The following IFT74 variants were observed in gnomAD, a reference collection of about 807,000 sequenced individuals.
The protein encoded by IFT74 is intraflagellar transport protein 74 homolog.
Under a neutral mutation model 96.7 loss-of-function variants are expected in IFT74, and 92 were observed. That is an observed-to-expected ratio of 0.95 (90% CI 0.80 to 1.13). The LOEUF (loss-of-function observed/expected upper bound fraction) is 1.13. Among genes scored for constraint, IFT74 ranks in the 50% most tolerant of loss-of-function variants. The pLI, the probability that IFT74 is intolerant of heterozygous loss-of-function variation, is 0.00. For missense variants in IFT74, 811 were observed against 698.2 expected, an observed-to-expected ratio of 1.16 and a Z score of -1.82; for synonymous variants, 223 against 213.2, an observed-to-expected ratio of 1.05 and a Z score of -0.40.
chr9:27,036,916 G>A lies in IFT74; in HGVS notation c.1054+7812G>A. On this transcript the variant is annotated intron_variant, in intron 13 of 19. Transcript: ENST00000380062. Reference sequence around the variant, plus strand: ...AAAAAAAATTATTGCTGTGATTCATGATAAAATGCTTGCAGAGACTGGTCG... The same window carrying A: ...AAAAAAAATTATTGCTGTGATTCATAATAAAATGCTTGCAGAGACTGGTCG... 5.2e-6 allele frequency: 4 copies of A among 764,914 alleles called. No homozygotes were observed. In the South Asian group the frequency reaches 2.4e-4, roughly 45 times the overall value. The allele number at this position is 764,914 out of a possible 1,614,324, so 47.4% of individuals were successfully genotyped here. A position where few individuals can be genotyped will look rare whatever the true frequency, so the allele number is the denominator to read the frequency against.
chr9:26,970,688 C>T (rs1826842882), intron 2 of IFT74, among the ~76,000 whole-genome samples: 1 of 152,218 alleles, frequency 6.6e-6, no homozygotes, highest in Non-Finnish European at 1.5e-5. Flanking sequence ...CTCGGGTTAA[C>T]CCTTAACTCA....
At chr9:27,060,760 C>T in intron 19 of IFT74, 109 bp downstream of exon 19, 1 of 628,298 alleles carries the variant, frequency 1.6e-6, no homozygotes, top group Non-Finnish European at 2.7e-6. Flanking sequence ...AGATTGAGAC[C>T]ACCCTGGCTA....
At chr9:27,045,251 A>G (rs931521928) in intron 14 of IFT74, among the ~76,000 whole-genome samples, 2 of 152,164 alleles carry the variant, frequency 1.3e-5, no homozygotes, top group African/African-American at 4.8e-5. Flanking sequence ...TCTTGTTATG[A>G]GAATCTAACC....
At chr9:26,969,186 A>G (rs946171333) in intron 2 of IFT74, among the ~76,000 whole-genome samples, 11 of 152,218 alleles carry the variant, frequency 7.2e-5, no homozygotes, top group South Asian at 6.2e-4. Flanking sequence ...ATTCAGGAAC[A>G]TATTTCTATT....
At position 27,065,342 on chromosome 9, in the gene IFT74, G is replaced by A. The variant is rs1820574957; in HGVS notation, c.*2606G>A. ...ACTGGGATAGAACTGGAGGCTAATA[G>A]CTGCATGAACTGGCTCTTCCTGAGT... On this transcript the variant is annotated 3_prime_UTR_variant, in exon 20 of 20. Coordinates refer to ENST00000380062, the MANE Select transcript of IFT74 (RefSeq NM_025103.4). 6.6e-6 allele frequency among the ~76,000 whole-genome samples: 1 copy of A among 152,104 alleles called. No homozygotes were observed. Among genetic ancestry groups the A allele is most frequent in the East Asian group, 1.9e-4 (1 of 5,194 alleles).
At chr9:27,021,361 G>A (rs1231273732) in intron 12 of IFT74, among the ~76,000 whole-genome samples, 2 of 152,008 alleles carry the variant, frequency 1.3e-5, no homozygotes, top group African/African-American at 2.4e-5. Context: ...TAGTGGGATC[G>A]CTAGATCAAA....
chr9:27,008,970 TA>T (rs1479932815), intron 8 of IFT74, 49 bp from the exon 9 acceptor site: 24 of 1,421,918 alleles, frequency 1.7e-5, no homozygotes, highest in Non-Finnish European at 2.2e-5. Flanking sequence ...AATAATTGGA[TA>T]TTTTTTCCTC....
At chr9:27,056,067 G>A (rs1443175454) in intron 17 of IFT74, among the ~76,000 whole-genome samples, 1 of 152,056 alleles carries the variant, frequency 6.6e-6, no homozygotes, top group African/African-American at 2.4e-5. Flanking sequence ...CCTGAAACTT[G>A]TCAGTGGCTT....
chr9:26,953,257 C>T (rs1825989016), upstream of IFT74, among the ~76,000 whole-genome samples: 1 of 152,160 alleles, frequency 6.6e-6, no homozygotes, highest in African/African-American at 2.4e-5. Flanking sequence ...GGTTCCTAGT[C>T]AGCCTCTGCA....
At position 27,016,929 on chromosome 9, in the gene IFT74, A is replaced by G. The variant is rs1320486846; in HGVS notation, c.812A>G (p.Lys271Arg). ...LEAEIAHSQV[K>R]QEAVLLHEKL... is the part of the protein sequence containing the mutation. ...TAGGAAATAGCTCACTCCCAGGTGA[A>G]ACAGGAGGCGGTATTGCTGCATGAA... The change falls in exon 11 of 20, where the codon AAA becomes AGA. Residue 271 changes from lysine (K) to arginine (R), a missense_variant. By Grantham distance (26) the Lys-to-Arg change is conservative (BLOSUM62 2). Transcript: ENST00000380062. 1 of 1,606,854 alleles carries G rather than the reference A, an allele frequency of 6.2e-7. No individual in the cohort carries two copies.
Position 27,047,280 on chromosome 9 carries a change from T to C in IFT74, c.1115T>C (p.Ile372Thr), listed in dbSNP as rs949687147. ...KKREEHMDTF[I>T]ETFEETKNQE... ...TATGTTTTCCAATTGTCAGCTTTTA[T>C]TGAGACTTTTGAGGAAACAAAGAAT... The change falls in exon 15 of 20, where the codon ATT becomes ACT. Residue 372 changes from isoleucine (I) to threonine (T), a missense_variant. Ile to Thr is a moderately conservative substitution (Grantham distance 89, BLOSUM62 -1). Transcript: ENST00000380062. 1 of 1,606,612 alleles carries C rather than the reference T, an allele frequency of 6.2e-7. No homozygotes were observed. The highest frequency in any genetic ancestry group is 8.5e-7 in the Non-Finnish European group (1 of 1,173,644).
rs989944971 is a variant in IFT74 at position 27,065,590 on chromosome 9, T to A, written c.*2854T>A. Among the ~76,000 whole-genome samples, 2 of 152,186 alleles carry A rather than the reference T, an allele frequency of 1.3e-5. No individual in the cohort carries two copies. The highest frequency in any genetic ancestry group is 4.8e-5 in the African/African-American group (2 of 41,446). ...GTGGAGCCCCTCGTTTGGACAATAC[T>A]ATAGTCTCATTTTAAGGTACAAAAT... is the stretch of plus-strand genomic sequence containing the variant. On this transcript the variant is annotated 3_prime_UTR_variant, in exon 20 of 20. Transcript: ENST00000380062.
intron 2 of IFT74, among the ~76,000 whole-genome samples, chr9:26,962,802 T>C (rs1028184615): frequency 6.6e-6 from 1 of 152,022 alleles, no homozygotes; most frequent in Non-Finnish European, 1.5e-5. Context: ...ATTTTTATTA[T>C]ATATCTGAAT....
intron 8 of IFT74, chr9:26,993,360 A>G (rs1256098155): frequency 3.3e-5 from 5 of 152,334 alleles, no homozygotes; most frequent in African/African-American, 1.2e-4. Context: ...TCTCATTCTT[A>G]TAATTAAGGT....
At chr9:26,966,507 G>T (rs768527767) in intron 2 of IFT74, among the ~76,000 whole-genome samples, 4 of 151,890 alleles carry the variant, frequency 2.6e-5, no homozygotes, top group Admixed American at 6.6e-5. Flanking sequence ...CCTTTTGCCC[G>T]TTTTTTATTG....
chr9:26,993,724 A>C (rs994224405), intron 8 of IFT74: 4 of 152,170 alleles, frequency 2.6e-5, no homozygotes, highest in Admixed American at 2.0e-4. Context: ...TACACAACAT[A>C]CACAGAAGTA....
rs71841244 is a variant in IFT74, at chr9:26,948,448, A to ATTTTTTTTTTTTTTTTTTTTT, written c.-20+1322_-20+1342dup. ...TGACAACCTGTGATGGCTTTCCATT[A>ATTTTTTTTTTTTTTTTTTTTT]TTTTTTTTTTTTTTTTTTTTTTTTT... On this transcript the variant is annotated intron_variant, in intron 1 of 19. Transcript: ENST00000433700. Among the ~76,000 whole-genome samples, 9 of 59,164 alleles carry ATTTTTTTTTTTTTTTTTTTTT rather than the reference A, an allele frequency of 1.5e-4. 2 individuals carry two copies. Among genetic ancestry groups the ATTTTTTTTTTTTTTTTTTTTT allele is most frequent in the Non-Finnish European group, 3.5e-4 (9 of 26,084 alleles). 38.8% of individuals were successfully genotyped at this position (59,164 alleles called of 152,430 possible).
chr9:26,962,206 T>C (rs548577920), intron 2 of IFT74, 119 bp downstream of exon 2: 486 of 892,640 alleles, frequency 5.4e-4, no homozygotes, highest in Admixed American at 1.5e-3. Flanking sequence ...TTTTGAGTTT[T>C]TGAGACTGTC....
In IFT74 at chr9:27,056,483, T is replaced by G. The variant is rs763967834; in HGVS notation, c.1623+24T>G. ...AGGTAAAAAATGTTTTAAATGACTT[T>G]GAAATTGTCTTAGTCTATATTTTCA... On this transcript the variant is annotated intron_variant, in intron 18 of 19. Coordinates refer to ENST00000380062, the MANE Select transcript of IFT74 (RefSeq NM_025103.4). The G allele has an allele frequency of 1.9e-6, 3 of 1,575,842 alleles. No individual in the cohort carries two copies. The African/African-American group carries it at 4.1e-5, about 22-fold the overall frequency.
Sources: gnomAD v4.1 joint callset for allele counts (sites outside exome capture counted in the v4.1 genomes callset) on GRCh38, gnomAD v4.1.1 for gene constraint, MANE v1.5 for transcripts, NCBI Gene and HGNC (gene_info 2026-07-23, HGNC 2026-07-21) for gene names.